Variants in CFAP46 observed in about 807,000 individuals in gnomAD.
CFAP46 encodes the protein cilia and flagella associated protein 46, also known as cilia- and flagella-associated protein 46.
In CFAP46, 245 loss-of-function variants were observed where a neutral mutation model predicts 325.7. The ratio of observed to expected loss-of-function variants is 0.75; its 90% CI spans 0.68 to 0.84. The LOEUF (loss-of-function observed/expected upper bound fraction) is 0.84. CFAP46 is among the 40% of genes least tolerant of loss of function. CFAP46 has a pLI of 0.00. For missense variants in CFAP46, 3,346 were observed against 3,543.0 expected (o/e 0.94, Z 1.41); for synonymous variants, 1,523 against 1,495.9 (o/e 1.02, Z -0.42).
chr10:132,879,769 C>A, intron 28 of CFAP46, 138 bp from the exon 29 acceptor site: 1 of 880,928 alleles, frequency 1.1e-6, no homozygotes, highest in Non-Finnish European at 1.6e-6. Context: ...CTGCTGAGGG[C>A]CGGCAGCCAG....
At chr10:132,934,616 T>C in intron 8 of CFAP46, 136 bp downstream of exon 8, 1 of 638,682 alleles carries the variant, frequency 1.6e-6, no homozygotes, top group Non-Finnish European at 2.8e-6. Context: ...AGGACCTTAC[T>C]AAAACCTCCA....
At chr10:132,842,092 C>T (rs1332901094) in intron 44 of CFAP46, among the ~76,000 whole-genome samples, 3 of 152,218 alleles carry the variant, frequency 2.0e-5, no homozygotes, top group Admixed American at 6.5e-5. Context: ...TCCTTCCGCT[C>T]ACTTTTCTTT....
chr10:132,833,668 G>T, intron 49 of CFAP46, 143 bp from the exon 50 acceptor site: 1 of 784,284 alleles, frequency 1.3e-6, no homozygotes, highest in South Asian at 1.8e-5. Flanking sequence ...TCCTCCTCCA[G>T]ATGCCCCAGA....
In CFAP46 at chr10:132,898,952, G is replaced by A. The variant is rs1050043490; in HGVS notation, c.3219+7C>T. 25 of 1,550,488 alleles carry A rather than the reference G, an allele frequency of 1.6e-5. No individual in the cohort carries two copies. Among genetic ancestry groups the A allele is most frequent in the Non-Finnish European group, 2.2e-5 (25 of 1,146,940 alleles). On this transcript the variant is annotated splice_region_variant and intron_variant, in intron 24 of 57. Coordinates refer to ENST00000368586, the MANE Select transcript of CFAP46 (RefSeq NM_001200049.3). ...GGAGTCAGGAGCCCCCTCCAGGGCT[G>A]GTGCACCTGCTTTCTGGCCTCTGTC...
In CFAP46 at chr10:132,832,570, G is replaced by A. The variant is rs1397311292; in HGVS notation, c.7117+788C>T. 1.5e-5 allele frequency: 5 copies of A among 335,124 alleles called. No homozygotes were observed. The East Asian group carries it at 2.4e-4, about 16-fold the overall frequency. 20.8% of individuals were successfully genotyped at this position (335,124 alleles called of 1,614,324 possible). A position where few individuals can be genotyped will look rare whatever the true frequency, so the allele number is the denominator to read the frequency against. On this transcript the variant is annotated intron_variant, in intron 50 of 57. Coordinates refer to ENST00000368586, the MANE Select transcript of CFAP46 (RefSeq NM_001200049.3). The surrounding 1 kb of genome is among the most constrained non-coding windows in gnomAD (Gnocchi z 4.1). Reference sequence around the variant, plus strand: ...TTTTATTTGTCTCAGCTGGAAGAACGAATCTGGTCCCTGTTACTTCATCTG... The same window carrying A: ...TTTTATTTGTCTCAGCTGGAAGAACAAATCTGGTCCCTGTTACTTCATCTG...
At chr10:132,843,130 T>G (rs1210015012) in intron 44 of CFAP46, among the ~76,000 whole-genome samples, 1 of 152,196 alleles carries the variant, frequency 6.6e-6, no homozygotes, top group Non-Finnish European at 1.5e-5. Context: ...CATTCACTTT[T>G]CCCAGAAACC....
In CFAP46 at chr10:132,938,705, C is replaced by G. The variant is rs1224015805; in HGVS notation, c.420G>C (p.Val140=). The change falls in exon 5 of 58, where the codon GTG becomes GTC. Residue 140 remains valine (V), a synonymous_variant. Transcript: ENST00000368586. ...GATATCCAGGCTTGAGGAACGGCCT[C>G]ACCATCTGCCAGTAGAGGACTGATG... ...YNASVLYWQM[V]RPFLKPGYRH... 15 of 1,613,524 alleles carry G rather than the reference C, an allele frequency of 9.3e-6. No homozygotes were observed. The highest frequency in any genetic ancestry group is 1.3e-5 in the Non-Finnish European group (15 of 1,179,978).
chr10:132,851,409 C>A, intron 39 of CFAP46, 104 bp from the exon 40 acceptor site: 3 of 1,070,716 alleles, frequency 2.8e-6, no homozygotes, highest in Non-Finnish European at 4.0e-6. Flanking sequence ...AAACTCATAA[C>A]AAACTGCGCA....
At chr10:132,879,035 A>G (rs1848998810) in intron 29 of CFAP46, among the ~76,000 whole-genome samples, 1 of 152,096 alleles carries the variant, frequency 6.6e-6, no homozygotes, top group South Asian at 2.1e-4. Flanking sequence ...CCCAGCTAAC[A>G]GAGGCGCCTG....
At chr10:132,822,106 A>ATGTGTGCTGTGTGTGCACTTG in intron 50 of CFAP46, among the ~76,000 whole-genome samples, 1 of 106,746 alleles carries the variant, frequency 9.4e-6, no homozygotes. Flanking sequence ...GTGAGTGCTG[A>ATGTGTGCTGTGTGTGCACTTG]TGTGTGCTGT....
intron 22 of CFAP46, among the ~76,000 whole-genome samples, chr10:132,901,310 T>G (rs1849388970): frequency 6.6e-6 from 1 of 152,268 alleles, no homozygotes; most frequent in African/African-American, 2.4e-5. Flanking sequence ...AATCCACCAT[T>G]TGGTCCTTGC....
intron 38 of CFAP46, among the ~76,000 whole-genome samples, chr10:132,858,170 C>T (rs935588419): frequency 1.3e-5 from 2 of 152,122 alleles, no homozygotes; most frequent in African/African-American, 4.8e-5. Flanking sequence ...GCGCAGGCTT[C>T]TACACGCCCG....
rs764514839 is a variant in CFAP46 at position 132,879,466 on chromosome 10, C to G, written c.3965G>C (p.Cys1322Ser). 1 of 1,544,342 alleles carries G rather than the reference C, an allele frequency of 6.5e-7. No individual in the cohort carries two copies. Residue 1322 changes from cysteine (C) to serine (S), a missense_variant, in exon 29 of 58, where the codon TGC becomes TCC. Physicochemically the swap from Cys to Ser is moderately radical, Grantham distance 112 (BLOSUM62 -1). Transcript: ENST00000368586. ...GAAGAAGGCGTAGGCTGCAAGGCAG[C>G]AGTCCTCGTAGCCCTCGGCGCCCGG... ...LSPGAEGYED[C>S]CLAAYAFFRH...
chr10:132,906,073 T>C (rs998471712), intron 22 of CFAP46, among the ~76,000 whole-genome samples: 2 of 152,190 alleles, frequency 1.3e-5, no homozygotes, highest in African/African-American at 4.8e-5. Context: ...AGAAAGATCA[T>C]TTGCAGTGAA....
intron 50 of CFAP46, among the ~76,000 whole-genome samples, chr10:132,833,038 T>C (rs1247641853): frequency 1.3e-5 from 2 of 152,084 alleles, no homozygotes; most frequent in Admixed American, 6.6e-5. Context: ...AGTGGCGCCA[T>C]CTCAGCTCCC....
chr10:132,855,915 G>A (rs1049186339), intron 39 of CFAP46, among the ~76,000 whole-genome samples: 4 of 152,184 alleles, frequency 2.6e-5, no homozygotes, highest in Non-Finnish European at 1.5e-5. Flanking sequence ...TGGAGTTTAC[G>A]TGTTCGAGGC....
rs555113449 is a variant in CFAP46 at position 132,881,534 on chromosome 10, G to A, written c.3628-502C>T. Among the ~76,000 whole-genome samples the A allele has an allele frequency of 2.5e-4, 38 of 152,304 alleles. 1 individual carries two copies. Among genetic ancestry groups the A allele is most frequent in the African/African-American group, 8.2e-4 (34 of 41,568 alleles). On this transcript the variant is annotated intron_variant, in intron 27 of 57. Coordinates refer to ENST00000368586, the MANE Select transcript of CFAP46 (RefSeq NM_001200049.3). ...GGCCTGTGCAAACTTGGCCATCATC[G>A]CTACAGAATTGTATGAGGCTGCCCT...
rs757065991 is a variant in CFAP46 at position 132,828,879 on chromosome 10, G to A, written c.7117+4479C>T. Reference sequence around the variant, plus strand: ...CTCGTCCCTTTGCCAGCCACCACCCGGCTGTGCACCTGTGGCGTGCTTCTG... The same window carrying A: ...CTCGTCCCTTTGCCAGCCACCACCCAGCTGTGCACCTGTGGCGTGCTTCTG... On this transcript the variant is annotated intron_variant, in intron 50 of 57. Transcript: ENST00000368586. This position sits in a 1 kb window ranked among gnomAD's most constrained non-coding sequence, Gnocchi z 4.9. Among the ~76,000 whole-genome samples the A allele has an allele frequency of 5.3e-5, 8 of 152,024 alleles. No individual in the cohort carries two copies. The highest frequency in any genetic ancestry group is 7.4e-5 in the Non-Finnish European group (5 of 68,020).
In CFAP46 at chr10:132,941,742, C is replaced by G. The variant is rs181634033; in HGVS notation, c.175-20G>C. 1 of 1,613,362 alleles carries G rather than the reference C, an allele frequency of 6.2e-7. No homozygotes were observed. The highest frequency in any genetic ancestry group is 8.5e-7 in the Non-Finnish European group (1 of 1,179,784). On this transcript the variant is annotated intron_variant, in intron 2 of 57. Transcript: ENST00000368586. Reference sequence around the variant, plus strand: ...CCTCATCTGCAAGAGAACACCACCACAGAAGATCACAGACCCGGAGGGGTG... The same window carrying G: ...CCTCATCTGCAAGAGAACACCACCAGAGAAGATCACAGACCCGGAGGGGTG...
Sources: gnomAD v4.1 joint callset for allele counts (sites outside exome capture counted in the v4.1 genomes callset) on GRCh38, gnomAD v4.1.1 for gene constraint, Gnocchi (gnomAD v3.1) non-coding constraint, MANE v1.5 for transcripts, NCBI Gene and HGNC (gene_info 2026-07-23, HGNC 2026-07-21) for gene names.